Variants in ASPG observed in about 807,000 individuals in gnomAD.
ASPG encodes the protein asparaginase.
Under a neutral mutation model 63.2 loss-of-function variants are expected in ASPG, and 53 were observed. The ratio of observed to expected loss-of-function variants is 0.84; its 90% CI spans 0.67 to 1.05. The LOEUF (loss-of-function observed/expected upper bound fraction) is 1.05. Ranked by LOEUF, ASPG falls within the 50% of genes least tolerant of loss-of-function variation. ASPG has a pLI of 0.00. For missense variants in ASPG, 741 were observed against 794.4 expected, an observed-to-expected ratio of 0.93 and a Z score of 0.81; for synonymous variants, 370 against 355.0, an observed-to-expected ratio of 1.04 and a Z score of -0.48.
rs1471272364 is a variant in ASPG, at chr14:104,091,452, C to T, written c.83-1181C>T. On this transcript the variant is annotated intron_variant, in intron 1 of 15. Coordinates refer to ENST00000551177, the MANE Select transcript of ASPG (RefSeq NM_001080464.3). This position sits in a 1 kb window ranked among gnomAD's most constrained non-coding sequence, Gnocchi z 6.4. Reference sequence around the variant, plus strand: ...GGGGTGATTTTGTCAGCGGCTGCACCTCAGCCGGCCTGCATCTTCCAGTCC... The same window carrying T: ...GGGGTGATTTTGTCAGCGGCTGCACTTCAGCCGGCCTGCATCTTCCAGTCC... 6.6e-6 allele frequency among the ~76,000 whole-genome samples: 1 copy of T among 152,174 alleles called. No individual in the cohort carries two copies.
chr14:104,097,711 A>T, intron 5 of ASPG, 74 bp downstream of exon 5: 1 of 1,415,792 alleles, frequency 7.1e-7, no homozygotes, highest in Non-Finnish European at 9.7e-7. Flanking sequence ...CAGGAAACAA[A>T]GTCCCCCCAG....
Position 104,105,384 on chromosome 14 carries a change from G to A in ASPG, c.1107G>A (p.Arg369=), listed in dbSNP as rs768955480. 2 of 1,612,342 alleles carry A rather than the reference G, an allele frequency of 1.2e-6. No homozygotes were observed. The highest frequency in any genetic ancestry group is 2.7e-5 in the African/African-American group (2 of 74,888). The change falls in exon 10 of 16, where the codon CGG becomes CGA. Residue 369 remains arginine, a synonymous_variant. Coordinates refer to ENST00000551177, the MANE Select transcript of ASPG (RefSeq NM_001080464.3). ...EMTPPSVEER[R]PSLQGNTLGG... is the part of the protein sequence containing the mutation. Reference sequence around the variant, plus strand: ...CGCCACCCTCGGTGGAAGAGCGCCGGCCCTCACTGCAGGGCAACACGCTGG... The same window carrying A: ...CGCCACCCTCGGTGGAAGAGCGCCGACCCTCACTGCAGGGCAACACGCTGG...
chr14:104,086,919 A>T (rs892350737), intron 1 of ASPG, among the ~76,000 whole-genome samples: 1 of 151,868 alleles, frequency 6.6e-6, no homozygotes, highest in Non-Finnish European at 1.5e-5. Flanking sequence ...TGACCAGAAC[A>T]TTCTCTTGTC....
chr14:104,093,593 G>C lies in ASPG; in HGVS notation c.294G>C (p.Gln98His), dbSNP rs2036450712. 6.2e-7 allele frequency: 1 copy of C among 1,602,086 alleles called. No homozygotes were observed. The highest frequency in any genetic ancestry group is 1.7e-5 in the Admixed American group (1 of 59,564). ...MTIAEWVCLA[Q>H]TIKRHYEQYH... ...TCGCTGAGTGGGTTTGCCTTGCCCAGACCATCAAGGTAGTGGGGCTGGGGA... is the reference window on the plus strand; with the variant it reads ...TCGCTGAGTGGGTTTGCCTTGCCCACACCATCAAGGTAGTGGGGCTGGGGA... The change falls in exon 3 of 16, where the codon CAG (glutamine) becomes CAC (histidine). Residue 98 changes from glutamine to histidine, a missense_variant. Coordinates refer to ENST00000551177, the MANE Select transcript of ASPG (RefSeq NM_001080464.3).
At chr14:104,104,839 T>C in intron 9 of ASPG, 104 bp downstream of exon 9, 2 of 985,402 alleles carry the variant, frequency 2.0e-6, no homozygotes, top group East Asian at 5.2e-5. Context: ...TGGGGGCCGG[T>C]CCAGGGTGTG....
chr14:104,089,896 C>T (rs1407683460), intron 1 of ASPG, among the ~76,000 whole-genome samples: 11 of 118,352 alleles, frequency 9.3e-5, no homozygotes, highest in Non-Finnish European at 1.4e-4. Context: ...TGCAGTGAGT[C>T]GAGATGGCAT....
At chr14:104,096,123 C>T (rs1016455830) in intron 4 of ASPG, among the ~76,000 whole-genome samples, 11 of 152,196 alleles carry the variant, frequency 7.2e-5, no homozygotes, top group African/African-American at 1.7e-4. Flanking sequence ...CCCTGGCACA[C>T]GATTTCCCTG....
chr14:104,109,354 G>T lies in ASPG; in HGVS notation c.1520+39G>T. 6.4e-7 allele frequency: 1 copy of T among 1,567,472 alleles called. No individual in the cohort carries two copies. The highest frequency in any genetic ancestry group is 2.3e-5 in the East Asian group (1 of 43,456). ...GAGCACCTGCTCTTCCAGGGATGTG[G>T]GGGACACAGCTTGGGGAAGCGAAGC... On this transcript the variant is annotated intron_variant, in intron 13 of 15. Coordinates refer to ENST00000551177, the MANE Select transcript of ASPG (RefSeq NM_001080464.3). The surrounding 1 kb of genome is among the most constrained non-coding windows in gnomAD (Gnocchi z 4.8).
At chr14:104,088,994 G>A (rs1022285083) in intron 1 of ASPG, among the ~76,000 whole-genome samples, 1 of 152,108 alleles carries the variant, frequency 6.6e-6, no homozygotes, top group Non-Finnish European at 1.5e-5. Context: ...ATAGTTAGGT[G>A]TGAAAGCCGG....
rs371878888 is a variant in ASPG, at chr14:104,091,652, C to T, written c.83-981C>T. On this transcript the variant is annotated intron_variant, in intron 1 of 15. Coordinates refer to ENST00000551177, the MANE Select transcript of ASPG (RefSeq NM_001080464.3). This position sits in a 1 kb window ranked among gnomAD's most constrained non-coding sequence, Gnocchi z 6.4. ...TGGAGGGCGATGTCAGGGAGGGGTGCGGCTGGAGGGATATTAGAGGGGGCT... is the reference window on the plus strand; with the variant it reads ...TGGAGGGCGATGTCAGGGAGGGGTGTGGCTGGAGGGATATTAGAGGGGGCT... Among the ~76,000 whole-genome samples, 329 of 152,096 alleles carry T rather than the reference C, an allele frequency of 2.2e-3. No homozygotes were observed. Among genetic ancestry groups the T allele is most frequent in the African/African-American group, 7.7e-3 (319 of 41,482 alleles).
chr14:104,110,543 C>T lies in ASPG; in HGVS notation c.1521-959C>T. 1.0e-6 allele frequency: 1 copy of T among 985,308 alleles called. No individual in the cohort carries two copies. The highest frequency in any genetic ancestry group is 1.2e-6 in the Non-Finnish European group (1 of 829,882). 61.0% of individuals were successfully genotyped at this position (985,308 alleles called of 1,614,324 possible). A position where few individuals can be genotyped will look rare whatever the true frequency, so the allele number is the denominator to read the frequency against. Reference sequence around the variant, plus strand: ...CCTGAGCTGCTGGCTGGACTTGAGCCCCTCGGCTAGGCCTTCCTAGGGGCC... The same window carrying T: ...CCTGAGCTGCTGGCTGGACTTGAGCTCCTCGGCTAGGCCTTCCTAGGGGCC... On this transcript the variant is annotated intron_variant, in intron 13 of 15. Coordinates refer to ENST00000551177, the MANE Select transcript of ASPG (RefSeq NM_001080464.3). This position sits in a 1 kb window ranked among gnomAD's most constrained non-coding sequence, Gnocchi z 4.7.
chr14:104,098,138 A>G (rs78906148), intron 5 of ASPG, among the ~76,000 whole-genome samples: 3,460 of 51,192 alleles, frequency 0.068, 1 homozygote, highest in Middle Eastern at 0.1. Flanking sequence ...CGTTAGAGAT[A>G]CGTATGGAGG....
intron 12 of ASPG, chr14:104,108,753 G>A (rs1230477913): frequency 1.9e-5 from 19 of 985,272 alleles, no homozygotes; most frequent in Non-Finnish European, 2.3e-5. Context: ...GCAGTCGGCC[G>A]GATTGATTCA....
At chr14:104,111,823 G>C (rs2037392796) in intron 14 of ASPG, 97 bp from the exon 15 acceptor site, 1 of 1,242,592 alleles carries the variant, frequency 8.0e-7, no homozygotes, top group Admixed American at 2.1e-5. Context: ...GTGTGTGTGG[G>C]CTGGGGACAG....
chr14:104,100,281 G>A (rs1339196036), intron 6 of ASPG, among the ~76,000 whole-genome samples: 4 of 152,258 alleles, frequency 2.6e-5, no homozygotes, highest in Middle Eastern at 3.4e-3. Flanking sequence ...CCAGAAGTCG[G>A]GGGACAGGAG....
At chr14:104,096,793 G>A (rs556549141) in intron 4 of ASPG, among the ~76,000 whole-genome samples, 3 of 152,304 alleles carry the variant, frequency 2.0e-5, no homozygotes, top group African/African-American at 7.2e-5. Flanking sequence ...CGTACCACGT[G>A]AGGGCTGAGC....
intron 11 of ASPG, 89 bp from the exon 12 acceptor site, chr14:104,107,093 C>T (rs1462897174): frequency 5.4e-6 from 8 of 1,479,140 alleles, no homozygotes; most frequent in Non-Finnish European, 7.2e-6. Flanking sequence ...GTGCTGGGCC[C>T]TACCCTCAGA....
intron 8 of ASPG, 54 bp from the exon 9 acceptor site, chr14:104,104,568 G>A (rs1160429120): frequency 7.0e-6 from 11 of 1,582,316 alleles, no homozygotes; most frequent in African/African-American, 1.3e-5. Flanking sequence ...CACCCCTCAT[G>A]GGCTGGGGGC....
chr14:104,104,367 G>T lies in ASPG; in HGVS notation c.817G>T (p.Gly273Ter). 1 of 1,612,582 alleles carries T rather than the reference G, an allele frequency of 6.2e-7. No homozygotes were observed. The highest frequency in any genetic ancestry group is 8.5e-7 in the Non-Finnish European group (1 of 1,179,782). Residue 273 changes from glycine to a stop codon, truncating the protein, a stop_gained, in exon 8 of 16, where the codon GGA becomes TGA. Transcript: ENST00000551177. LOFTEE classifies it high-confidence loss of function. ...VVMETFGSGN[G>*]PTKPDLLQEL... ...CATGGAGACCTTCGGTTCAGGGAAC[G>T]GACCCACCAAGCCCGACCTGCTGCA...
Sources: allele counts gnomAD v4.1 joint callset (sites outside exome capture counted in the v4.1 genomes callset), GRCh38; gene constraint gnomAD v4.1.1; non-coding constraint Gnocchi (gnomAD v3.1); transcripts MANE v1.5; gene names NCBI Gene and HGNC (gene_info 2026-07-23, HGNC 2026-07-21).